FAAH2: variants seen among roughly 807,000 people sequenced by gnomAD.
FAAH2 encodes fatty acid amide hydrolase 2.
Under a neutral mutation model 36.9 loss-of-function variants are expected in FAAH2, and 60 were observed. The ratio of observed to expected loss-of-function variants is 1.63; its 90% CI spans 1.32 to 2.02. The LOEUF is 2.02. FAAH2 is among the 30% of genes most tolerant of loss of function. The pLI is 0.00. For synonymous variants in FAAH2, 214 were observed against 143.8 expected (o/e 1.49, Z -3.49); for missense variants, 689 against 397.5 (o/e 1.73, Z -6.23).
the FAAH2 span, among the ~76,000 whole-genome samples, chrX:57,266,061 A>T: frequency 8.1e-5 from 9 of 111,604 alleles, no homozygotes; most frequent in Non-Finnish European, 1.7e-4. Flanking sequence ...GTTTGAGGTG[A>T]CTGGGGGCTG....
At chrX:57,213,372 A>G in the FAAH2 span, among the ~76,000 whole-genome samples, 2 of 110,907 alleles carry the variant, frequency 1.8e-5, no homozygotes, top group Non-Finnish European at 3.8e-5. Flanking sequence ...TCCGGCAGCC[A>G]TATGTTTGGT....
At chrX:57,151,066 T>C in the FAAH2 span, among the ~76,000 whole-genome samples, 2 of 112,381 alleles carry the variant, frequency 1.8e-5, no homozygotes, top group African/African-American at 6.5e-5. Context: ...AATTATTTTC[T>C]TTAAGAATGT....
intron 5 of FAAH2, among the ~76,000 whole-genome samples, chrX:57,347,604 GTTTTTTTTTTT>G (rs61323098): frequency 0.046 from 3,611 of 77,919 alleles, 402 homozygotes; most frequent in African/African-American, 0.19. Context: ...GGGATGCTAA[GTTTTTTTTTTT>G]TTTTTTTTTT....
intron 8 of FAAH2, among the ~76,000 whole-genome samples, chrX:57,442,806 T>C (rs1286148859): frequency 9.0e-6 from 1 of 111,685 alleles, no homozygotes; most frequent in Non-Finnish European, 1.9e-5. Context: ...GCAGGCCTGG[T>C]GGTGACAAAA....
At chrX:57,423,559 G>A (rs931031546) in intron 7 of FAAH2, among the ~76,000 whole-genome samples, 12 of 112,080 alleles carry the variant, frequency 1.1e-4, no homozygotes, top group Admixed American at 1.0e-3. Context: ...TGGAAGCAAT[G>A]TGGGACCCAC....
rs2057523772 is a variant in FAAH2 at position 57,488,944 on chromosome X, G to A, written c.*12G>A. 1 of 1,206,466 alleles carries A rather than the reference G, an allele frequency of 8.3e-7. No individual in the cohort carries two copies. On this transcript the variant is annotated 3_prime_UTR_variant, in exon 11 of 11. Transcript: ENST00000374900. ...CAGGAAAGTTTTAGGAGGACCTTCT[G>A]CAAGGTTAATGTGTGTGTGTGTTTG... is the stretch of plus-strand genomic sequence containing the variant.
the FAAH2 span, among the ~76,000 whole-genome samples, chrX:57,174,599 C>A: frequency 9.0e-6 from 1 of 111,021 alleles, no homozygotes; most frequent in African/African-American, 3.3e-5. Flanking sequence ...TTCTGATCTT[C>A]ATTTCCTTTC....
intron 8 of FAAH2, among the ~76,000 whole-genome samples, chrX:57,445,453 G>C (rs764705401): frequency 2.7e-5 from 3 of 111,477 alleles, no homozygotes; most frequent in African/African-American, 9.8e-5. Context: ...CATTAAGCTA[G>C]CACAGTACGG....
chrX:57,165,677 A>C, the FAAH2 span, among the ~76,000 whole-genome samples: 1 of 111,136 alleles, frequency 9.0e-6, no homozygotes, highest in East Asian at 2.8e-4. Flanking sequence ...GTACCCTAAA[A>C]CTTAAAAGTA....
chrX:57,300,066 A>C (rs1290613942), intron 2 of FAAH2, among the ~76,000 whole-genome samples: 1 of 111,895 alleles, frequency 8.9e-6, no homozygotes, highest in Non-Finnish European at 1.9e-5. Flanking sequence ...CATCCCCATT[A>C]AGCTACAAAT....
At chrX:57,152,063 A>G in the FAAH2 span, among the ~76,000 whole-genome samples, 1 of 112,005 alleles carries the variant, frequency 8.9e-6, no homozygotes, top group African/African-American at 3.2e-5. Context: ...GCTGCAGAAC[A>G]GCAGTGGCTG....
intron 10 of FAAH2, among the ~76,000 whole-genome samples, chrX:57,468,114 G>A (rs1365757546): frequency 9.0e-6 from 1 of 111,257 alleles, no homozygotes; most frequent in Non-Finnish European, 1.9e-5. Context: ...CCATAATCAA[G>A]ACAAAAACTA....
At chrX:57,391,172 G>GT (rs928217710) in intron 7 of FAAH2, among the ~76,000 whole-genome samples, 20 of 109,425 alleles carry the variant, frequency 1.8e-4, no homozygotes, top group Admixed American at 4.9e-4. Context: ...TTTTAATGGG[G>GT]TTTTTTTTGT....
At chrX:57,276,942 C>T in the FAAH2 span, among the ~76,000 whole-genome samples, 2 of 111,196 alleles carry the variant, frequency 1.8e-5, no homozygotes, top group African/African-American at 6.5e-5. Context: ...AATAGTTTAC[C>T]AACCAAAAAA....
the FAAH2 span, among the ~76,000 whole-genome samples, chrX:57,240,502 G>A: frequency 1.8e-5 from 2 of 111,677 alleles, no homozygotes; most frequent in Admixed American, 9.5e-5. Context: ...ATGCATGCAT[G>A]CATGCTTGTG....
At chrX:57,163,166 G>T in the FAAH2 span, among the ~76,000 whole-genome samples, 1 of 112,183 alleles carries the variant, frequency 8.9e-6, no homozygotes, top group Non-Finnish European at 1.9e-5. Flanking sequence ...TCCCAGTTAT[G>T]CTGCTTGGGG....
At chrX:57,148,150 T>C in the FAAH2 span, among the ~76,000 whole-genome samples, 1 of 111,458 alleles carries the variant, frequency 9.0e-6, no homozygotes, top group Non-Finnish European at 1.9e-5. Flanking sequence ...TACCATGCTG[T>C]TTTGGTTACT....
chrX:57,402,758 C>G (rs1046423083), intron 7 of FAAH2, among the ~76,000 whole-genome samples: 4 of 111,900 alleles, frequency 3.6e-5, no homozygotes, highest in African/African-American at 1.3e-4. Flanking sequence ...TTCTAACACG[C>G]AAGTTAGCAA....
At chrX:57,349,312 C>T (rs1480136271) in intron 5 of FAAH2, among the ~76,000 whole-genome samples, 1 of 94,689 alleles carries the variant, frequency 1.1e-5, no homozygotes, top group Non-Finnish European at 2.0e-5. Flanking sequence ...TACATACATA[C>T]ATATATACAT....
Sources: allele counts gnomAD v4.1 joint callset (sites outside exome capture counted in the v4.1 genomes callset), GRCh38; gene constraint gnomAD v4.1.1; transcripts MANE v1.5; gene names NCBI Gene and HGNC (gene_info 2026-07-23, HGNC 2026-07-21).